Variants in UACA observed in about 807,000 individuals in gnomAD.
The protein encoded by UACA is uveal autoantigen with coiled-coil domains and ankyrin repeats, also known as nuclear membrane binding protein.
A neutral mutation model predicts 160.5 loss-of-function variants in UACA; 112 were observed. The ratio of observed to expected loss-of-function variants is 0.70; its 90% CI spans 0.60 to 0.82. The LOEUF (loss-of-function observed/expected upper bound fraction) is 0.82, where lower values mean the gene tolerates loss of function less well. Among genes scored for constraint, UACA ranks in the 40% least tolerant of loss-of-function variants. The pLI, the probability that UACA is intolerant of heterozygous loss-of-function variation, is 0.00. For synonymous variants in UACA, 557 were observed against 568.4 expected (o/e 0.98, Z 0.29); for missense variants, 1,574 against 1,614.6 (o/e 0.97, Z 0.43).
rs765623117 is a variant in UACA, at chr15:70,668,935, C to T, written c.1749G>A (p.Lys583=). The T allele has an allele frequency of 1.6e-5, 26 of 1,613,588 alleles. No homozygotes were observed. In the African/African-American group the frequency reaches 3.1e-4, roughly 19 times the overall value. Residue 583 remains lysine (K), a synonymous_variant, in exon 16 of 19, where the codon AAG becomes AAA. Coordinates refer to ENST00000322954, the MANE Select transcript of UACA (RefSeq NM_018003.4). ...GTAATCGCTTATTTTCTTCTATCAG[C>T]TTGCCTTCATCCCTCTTAAACTCTT... ...IVEEFKRDEG[K]LIEENKRLQK... is the part of the protein sequence containing the mutation.
rs1027065687 is a variant in UACA, at chr15:70,720,589, C to T, written c.79-20929G>A. 2.0e-5 allele frequency among the ~76,000 whole-genome samples: 3 copies of T among 152,126 alleles called. No individual in the cohort carries two copies. The South Asian group carries it at 6.2e-4, about 32-fold the overall frequency. The stretch of plus-strand genomic sequence containing the variant: ...TCATTGATCTCTGGATCAAGAAAAT[C>T]TACATAGATAAAAGACGTAGAAATC... On this transcript the variant is annotated intron_variant, in intron 1 of 18. Transcript: ENST00000322954.
chr15:70,702,153 G>T, intron 1 of UACA: 1 of 1,282,246 alleles, frequency 7.8e-7, no homozygotes, highest in South Asian at 2.4e-5. Flanking sequence ...ATTAAGAGCA[G>T]CCCCAAGTCA....
Position 70,667,359 on chromosome 15 carries a change from T to C in UACA, c.3325A>G (p.Lys1109Glu). The part of the protein sequence containing the change: ...EILAVQNLLQ[K>E]QHVPLEQVEA... ...ACCTGTTCCAATGGAACATGTTGTT[T>C]TTGCAAAAGATTTTGCACTGCAAGT... is the stretch of plus-strand genomic sequence containing the variant. Residue 1109 changes from lysine to glutamate, a missense_variant, in exon 16 of 19, where the codon AAA (lysine) becomes GAA (glutamate). Physicochemically the swap from Lys to Glu is moderately conservative, Grantham distance 56. Coordinates refer to ENST00000322954, the MANE Select transcript of UACA (RefSeq NM_018003.4). 3.1e-6 allele frequency: 5 copies of C among 1,613,022 alleles called. No homozygotes were observed. In the South Asian group the frequency reaches 4.4e-5, roughly 14 times the overall value.
At chr15:70,702,542 A>G (rs1410998806) in intron 1 of UACA, among the ~76,000 whole-genome samples, 1 of 152,234 alleles carries the variant, frequency 6.6e-6, no homozygotes, top group Non-Finnish European at 1.5e-5. Context: ...GTGTGACATA[A>G]TGACAACATT....
intron 18 of UACA, 106 bp from the exon 19 acceptor site, chr15:70,657,233 A>T: frequency 1.2e-6 from 1 of 850,366 alleles, no homozygotes; most frequent in Non-Finnish European, 1.9e-6. Context: ...TGATTCATCA[A>T]ATGCTAAATC....
intron 1 of UACA, among the ~76,000 whole-genome samples, chr15:70,717,208 C>G (rs1898847075): frequency 1.3e-5 from 2 of 152,106 alleles, no homozygotes; most frequent in African/African-American, 4.8e-5. Context: ...GCAACAAGAG[C>G]AAAACTCTGT....
Position 70,661,177 on chromosome 15 carries a change from T to C in UACA, c.4114-961A>G, listed in dbSNP as rs1475762167. On this transcript the variant is annotated intron_variant, in intron 17 of 18. Transcript: ENST00000322954. ...TTCACCTACCAAAATAGCATCTACGTTACAAGTTCAAGCCAGGTACTCCCT... is the reference window on the plus strand; with the variant it reads ...TTCACCTACCAAAATAGCATCTACGCTACAAGTTCAAGCCAGGTACTCCCT... 5.3e-5 allele frequency: 8 copies of C among 152,296 alleles called. No homozygotes were observed. The East Asian group carries it at 9.6e-4, about 18-fold the overall frequency. The allele number at this position is 152,296 out of a possible 1,614,324, so 9.4% of individuals were successfully genotyped here.
the UACA span, among the ~76,000 whole-genome samples, chr15:70,776,425 C>CTTTTTT: frequency 8.0e-6 from 1 of 125,318 alleles, no homozygotes; most frequent in Non-Finnish European, 1.7e-5. Context: ...CCTCAAATGT[C>CTTTTTT]TTTTTTTTTT....
intron 1 of UACA, among the ~76,000 whole-genome samples, chr15:70,752,536 C>A (rs947174466): frequency 6.6e-6 from 1 of 151,936 alleles, no homozygotes; most frequent in Non-Finnish European, 1.5e-5. Flanking sequence ...CCCTCCCCCC[C>A]ACCACTTATC....
intron 16 of UACA, among the ~76,000 whole-genome samples, chr15:70,666,422 C>G (rs1335949607): frequency 1.2e-4 from 19 of 152,212 alleles, no homozygotes; most frequent in Non-Finnish European, 1.5e-5. Flanking sequence ...CCCTCTTCCC[C>G]ATCTTTCATA....
chr15:70,695,081 C>A lies in UACA; in HGVS notation c.237G>T (p.Gly79=), dbSNP rs1440397734. The part of the protein sequence containing the change: ...RSVFHVVTSK[G]NLECLNAILI... The stretch of plus-strand genomic sequence containing the variant: ...GGATGGCATTCAAACACTCAAGATT[C>A]CCCTTTGAGGTCACAACATGGAAGC... The change falls in exon 3 of 19, where the codon GGG becomes GGT. Residue 79 remains glycine (G), a synonymous_variant. Coordinates refer to ENST00000322954, the MANE Select transcript of UACA (RefSeq NM_018003.4). The A allele has an allele frequency of 3.1e-6, 5 of 1,608,788 alleles. No homozygotes were observed. In the South Asian group the frequency reaches 5.5e-5, roughly 18 times the overall value.
chr15:70,707,584 CAA>C (rs1175237945), intron 1 of UACA, among the ~76,000 whole-genome samples: 1 of 151,682 alleles, frequency 6.6e-6, no homozygotes, highest in Non-Finnish European at 1.5e-5. Context: ...ACAACAACAA[CAA>C]AGATTTTAAA....
At chr15:70,681,995 C>A (rs2140932751) in intron 9 of UACA, 1 of 152,252 alleles carries the variant, frequency 6.6e-6, no homozygotes, top group South Asian at 2.1e-4. Flanking sequence ...TTTGCAAATG[C>A]TTAGGTTCCT....
At chr15:70,761,727 A>C (rs1267260472) in intron 1 of UACA, among the ~76,000 whole-genome samples, 1 of 152,208 alleles carries the variant, frequency 6.6e-6, no homozygotes, top group Non-Finnish European at 1.5e-5. Flanking sequence ...TGAGAAAAAT[A>C]GAACGCTCAA....
intron 1 of UACA, among the ~76,000 whole-genome samples, chr15:70,749,822 C>A (rs988440934): frequency 6.6e-6 from 1 of 151,820 alleles, no homozygotes; most frequent in South Asian, 2.1e-4. Context: ...ACATCATCAT[C>A]AGAACATTGA....
intron 1 of UACA, among the ~76,000 whole-genome samples, chr15:70,729,761 A>C (rs918068972): frequency 1.1e-4 from 15 of 141,992 alleles, no homozygotes; most frequent in African/African-American, 4.1e-4. Context: ...CTTTGAAGAG[A>C]GCAGTGGTTC....
At chr15:70,773,687 T>G in the UACA span, among the ~76,000 whole-genome samples, 1 of 152,154 alleles carries the variant, frequency 6.6e-6, no homozygotes, top group Non-Finnish European at 1.5e-5. Context: ...CCTGCTTCTA[T>G]TTTCTCATGA....
intron 1 of UACA, among the ~76,000 whole-genome samples, chr15:70,752,606 A>G (rs538528366): frequency 4.6e-5 from 7 of 152,130 alleles, no homozygotes; most frequent in Non-Finnish European, 1.0e-4. Flanking sequence ...AAATGTCACA[A>G]TCTGGTAAGA....
intron 13 of UACA, among the ~76,000 whole-genome samples, chr15:70,672,394 C>A (rs532576866): frequency 6.6e-6 from 1 of 152,262 alleles, no homozygotes; most frequent in Non-Finnish European, 1.5e-5. Flanking sequence ...CTGTAGGAAG[C>A]AGAAACCCTA....
Sources: allele counts gnomAD v4.1 joint callset (sites outside exome capture counted in the v4.1 genomes callset), GRCh38; gene constraint gnomAD v4.1.1; transcripts MANE v1.5; gene names NCBI Gene and HGNC (gene_info 2026-07-23, HGNC 2026-07-21).